The following PLPPR5 variants were observed in gnomAD, a reference collection of about 807,000 sequenced individuals.
PLPPR5 encodes phospholipid phosphatase-related protein type 5.
In PLPPR5, 16 loss-of-function variants were observed where a neutral mutation model predicts 33.9. The ratio of observed to expected loss-of-function variants is 0.47; its 90% confidence interval spans 0.32 to 0.72. The LOEUF (loss-of-function observed/expected upper bound fraction) is 0.72. PLPPR5 is among the 30% of genes least tolerant of loss of function. PLPPR5 has a pLI of 0.03. For synonymous variants in PLPPR5, 163 were observed against 150.3 expected (o/e 1.08, Z -0.62); for missense variants, 301 against 406.7 (o/e 0.74, Z 2.23).
At chr1:98,900,632 T>C (rs926375159) in intron 5 of PLPPR5, among the ~76,000 whole-genome samples, 2 of 152,198 alleles carry the variant, frequency 1.3e-5, no homozygotes. Context: ...ACCTATAAAA[T>C]TGGCTTCTTC....
At chr1:98,959,994 T>C (rs1183698612) in intron 1 of PLPPR5, among the ~76,000 whole-genome samples, 3 of 152,086 alleles carry the variant, frequency 2.0e-5, no homozygotes, top group Non-Finnish European at 4.4e-5. Flanking sequence ...TCTGTCCACC[T>C]ACTTGGACTT....
chr1:98,947,826 G>A (rs1176941300), intron 3 of PLPPR5, among the ~76,000 whole-genome samples: 1 of 152,182 alleles, frequency 6.6e-6, no homozygotes, highest in East Asian at 1.9e-4. Flanking sequence ...CATAATAATA[G>A]TATAGCAGTC....
chr1:98,974,471 A>G (rs1313601377), intron 1 of PLPPR5, among the ~76,000 whole-genome samples: 1 of 152,108 alleles, frequency 6.6e-6, no homozygotes, highest in Non-Finnish European at 1.5e-5. Flanking sequence ...TTTGACTTAA[A>G]TGATGAAATC....
At chr1:98,966,736 T>A (rs1241115355) in intron 1 of PLPPR5, among the ~76,000 whole-genome samples, 1 of 152,188 alleles carries the variant, frequency 6.6e-6, no homozygotes, top group Non-Finnish European at 1.5e-5. Flanking sequence ...GAGACCCCTG[T>A]TAAAATGCAG....
At chr1:98,915,009 T>C in intron 4 of PLPPR5, 89 bp from the exon 5 acceptor site, 2 of 1,185,428 alleles carry the variant, frequency 1.7e-6, no homozygotes, top group South Asian at 1.6e-5. Context: ...GCTAAGCATG[T>C]AAGAAAGTAT....
intron 5 of PLPPR5, among the ~76,000 whole-genome samples, chr1:98,911,765 A>G (rs1321782173): frequency 6.7e-6 from 1 of 148,886 alleles, no homozygotes; most frequent in Non-Finnish European, 1.5e-5. Flanking sequence ...TTTTTTTTTT[A>G]GAGATGGGGT....
At chr1:98,955,668 A>T (rs555833481) in intron 2 of PLPPR5, among the ~76,000 whole-genome samples, 8 of 152,050 alleles carry the variant, frequency 5.3e-5, no homozygotes, top group Non-Finnish European at 1.2e-4. Flanking sequence ...TTATAGATAG[A>T]TTAGGTGATC....
intron 5 of PLPPR5, among the ~76,000 whole-genome samples, chr1:98,896,466 G>A (rs963930831): frequency 2.0e-5 from 3 of 152,100 alleles, no homozygotes; most frequent in Non-Finnish European, 4.4e-5. Flanking sequence ...TCAGAATCAT[G>A]AGAAGAAACT....
At chr1:98,985,716 C>T (rs4593847) in intron 1 of PLPPR5, among the ~76,000 whole-genome samples, 13,839 of 151,982 alleles carry the variant, frequency 0.091, 730 homozygotes, top group Non-Finnish European at 0.11. Flanking sequence ...AATACCACTG[C>T]GTTACAACTG....
chr1:98,915,908 A>C (rs1048405365), intron 4 of PLPPR5, among the ~76,000 whole-genome samples: 3 of 152,216 alleles, frequency 2.0e-5, no homozygotes, highest in Non-Finnish European at 2.9e-5. Context: ...TTACACAATA[A>C]ACAAGGTATT....
intron 1 of PLPPR5, among the ~76,000 whole-genome samples, chr1:98,966,100 C>T (rs935973055): frequency 6.6e-6 from 1 of 152,176 alleles, no homozygotes; most frequent in Non-Finnish European, 1.5e-5. Context: ...AAGTATCAGT[C>T]TCAGGGTCTT....
intron 5 of PLPPR5, among the ~76,000 whole-genome samples, chr1:98,910,668 T>TC (rs1169167788): frequency 6.6e-6 from 1 of 152,140 alleles, no homozygotes; most frequent in Non-Finnish European, 1.5e-5. Flanking sequence ...GCATAGCCAC[T>TC]CAGGGCACAA....
At chr1:98,995,992 T>C (rs140191462) in intron 1 of PLPPR5, among the ~76,000 whole-genome samples, 2 of 151,966 alleles carry the variant, frequency 1.3e-5, no homozygotes, top group East Asian at 1.9e-4. Context: ...GTTATGGAAA[T>C]GTAAATAAAA....
intron 2 of PLPPR5, 80 bp from the exon 3 acceptor site, chr1:98,953,400 T>C: frequency 1.4e-6 from 2 of 1,398,234 alleles, no homozygotes; most frequent in South Asian, 2.6e-5. Context: ...TGTGTGAATT[T>C]CAGTTTACAA....
At position 98,892,280 on chromosome 1, in the gene PLPPR5, T is replaced by C. The variant is rs1225028395; in HGVS notation, c.*792A>G. ...AAATTACTCAATAATAAGGTACCAG[T>C]GCTGAATTTACTCATTTAAACTACC... On this transcript the variant is annotated 3_prime_UTR_variant, in exon 6 of 6. Transcript: ENST00000263177. 6.6e-6 allele frequency: 1 copy of C among 152,438 alleles called. No homozygotes were observed. The highest frequency in any genetic ancestry group is 2.4e-5 in the African/African-American group (1 of 41,412). 9.4% of individuals were successfully genotyped at this position (152,438 alleles called of 1,614,324 possible). A position where few individuals can be genotyped will look rare whatever the true frequency, so the allele number is the denominator to read the frequency against.
At chr1:98,933,277 A>G (rs1009121693) in intron 3 of PLPPR5, among the ~76,000 whole-genome samples, 3 of 151,694 alleles carry the variant, frequency 2.0e-5, no homozygotes, top group African/African-American at 7.3e-5. Flanking sequence ...CAGTCAGGAG[A>G]TCGAGACCAT....
At chr1:98,909,170 T>G (rs1649022378) in intron 5 of PLPPR5, among the ~76,000 whole-genome samples, 1 of 151,760 alleles carries the variant, frequency 6.6e-6, no homozygotes, top group South Asian at 2.1e-4. Flanking sequence ...TAACCTCAGT[T>G]GCCTCCTTAA....
Position 98,892,948 on chromosome 1 carries a change from A to G in PLPPR5, c.*124T>C. 2 of 946,502 alleles carry G rather than the reference A, an allele frequency of 2.1e-6. No homozygotes were observed. The highest frequency in any genetic ancestry group is 3.2e-6 in the Non-Finnish European group (2 of 620,782). The allele number at this position is 946,502 out of a possible 1,614,324, so 58.6% of individuals were successfully genotyped here. On this transcript the variant is annotated 3_prime_UTR_variant, in exon 6 of 6. Coordinates refer to ENST00000263177, the MANE Select transcript of PLPPR5 (RefSeq NM_001037317.2). ...AAACAGATAGGTTGACATTGATTTT[A>G]AAATTATAAAAATTATTAAACAACT...
chr1:98,952,982 T>C, intron 3 of PLPPR5, 88 bp downstream of exon 3: 1 of 1,489,700 alleles, frequency 6.7e-7, no homozygotes, highest in East Asian at 2.3e-5. Flanking sequence ...TTTAAGTGAC[T>C]TTCATTATGG....
Sources: allele counts gnomAD v4.1 joint callset (sites outside exome capture counted in the v4.1 genomes callset), GRCh38; gene constraint gnomAD v4.1.1; transcripts MANE v1.5; gene names NCBI Gene and HGNC (gene_info 2026-07-23, HGNC 2026-07-21).